MSRA: variants seen among roughly 807,000 people sequenced by gnomAD.
MSRA encodes methionine sulfoxide reductase A.
A neutral mutation model predicts 31.3 loss-of-function variants in MSRA; 54 were observed. That is an observed-to-expected ratio of 1.73 (90% CI 1.39 to 2.17). The LOEUF (loss-of-function observed/expected upper bound fraction) is 2.17, where lower values mean the gene tolerates loss of function less well. Ranked by LOEUF, MSRA falls within the 30% of genes most tolerant of loss-of-function variation. The pLI is 0.00. For missense variants in MSRA, 507 were observed against 300.9 expected (o/e 1.69, Z -5.07); for synonymous variants, 169 against 116.5 (o/e 1.45, Z -2.90).
intron 5 of MSRA, among the ~76,000 whole-genome samples, chr8:10,413,702 A>G (rs1808294787): frequency 1.3e-5 from 2 of 152,134 alleles, no homozygotes; most frequent in East Asian, 1.9e-4. Context: ...CAAAGATACA[A>G]TAACTTTTTA....
At chr8:10,376,052 G>A (rs572282925) in intron 5 of MSRA, among the ~76,000 whole-genome samples, 38 of 152,266 alleles carry the variant, frequency 2.5e-4, no homozygotes, top group African/African-American at 8.4e-4. Flanking sequence ...GGGGAAGATT[G>A]CGTCTTCGTG....
intron 5 of MSRA, among the ~76,000 whole-genome samples, chr8:10,369,718 A>G (rs6984231): frequency 0.42 from 64,341 of 152,092 alleles, 13,782 homozygotes; most frequent in Non-Finnish European, 0.47. Context: ...TAGTCATTCT[A>G]TTTGTGCATC....
intron 2 of MSRA, among the ~76,000 whole-genome samples, chr8:10,221,432 A>ATG (rs1024172611): frequency 2.2e-5 from 3 of 139,038 alleles, no homozygotes; most frequent in African/African-American, 7.6e-5. Flanking sequence ...ATATGTATAT[A>ATG]TGTGTATATA....
At chr8:10,101,627 A>T (rs1257615864) in intron 1 of MSRA, among the ~76,000 whole-genome samples, 1 of 152,182 alleles carries the variant, frequency 6.6e-6, no homozygotes, top group Non-Finnish European at 1.5e-5. Context: ...ATATAAGTGG[A>T]ATCATACAGT....
intron 5 of MSRA, among the ~76,000 whole-genome samples, chr8:10,372,063 C>T (rs144221224): frequency 6.6e-6 from 1 of 152,192 alleles, no homozygotes; most frequent in Non-Finnish European, 1.5e-5. Flanking sequence ...CAGCGATTGT[C>T]ATTGCCACCT....
chr8:10,101,450 G>A (rs1585147446), intron 1 of MSRA, among the ~76,000 whole-genome samples: 1 of 152,124 alleles, frequency 6.6e-6, no homozygotes, highest in Non-Finnish European at 1.5e-5. Flanking sequence ...TTGTTATGCT[G>A]CCATTACCGT....
chr8:10,284,223 C>T (rs972555379), intron 3 of MSRA, among the ~76,000 whole-genome samples: 1 of 152,116 alleles, frequency 6.6e-6, no homozygotes, highest in Non-Finnish European at 1.5e-5. Context: ...GAGTTTTACT[C>T]TTGTTCCCGG....
At chr8:10,350,203 C>A (rs1011833406) in intron 5 of MSRA, among the ~76,000 whole-genome samples, 37 of 152,374 alleles carry the variant, frequency 2.4e-4, no homozygotes, top group Middle Eastern at 3.4e-3. Context: ...AATTCTGATG[C>A]TTCTCACAAA....
chr8:10,221,840 T>C (rs976489417), intron 2 of MSRA, among the ~76,000 whole-genome samples: 1 of 152,038 alleles, frequency 6.6e-6, no homozygotes, highest in African/African-American at 2.4e-5. Context: ...TTTGCACAGA[T>C]TTATGGAAAA....
intron 5 of MSRA, among the ~76,000 whole-genome samples, chr8:10,411,869 G>C (rs904896964): frequency 6.7e-6 from 1 of 149,080 alleles, no homozygotes; most frequent in Non-Finnish European, 1.5e-5. Flanking sequence ...TCATATTCCA[G>C]TTAAGCAAAA....
intron 4 of MSRA, among the ~76,000 whole-genome samples, chr8:10,307,686 G>A (rs139719048): frequency 6.6e-4 from 101 of 152,302 alleles, no homozygotes; most frequent in African/African-American, 2.0e-3. Context: ...AGTTGGATGC[G>A]TGGAGCTTTT....
chr8:10,256,965 A>G (rs1291805667), intron 3 of MSRA, among the ~76,000 whole-genome samples: 1 of 152,150 alleles, frequency 6.6e-6, no homozygotes, highest in Non-Finnish European at 1.5e-5. Context: ...GGCTTTTTAT[A>G]CATTTCTTTC....
intron 1 of MSRA, among the ~76,000 whole-genome samples, chr8:10,085,055 T>C (rs1008410193): frequency 1.3e-5 from 2 of 152,156 alleles, no homozygotes; most frequent in African/African-American, 2.4e-5. Flanking sequence ...GTTTTAAATA[T>C]GGCAAAAATC....
intron 5 of MSRA, among the ~76,000 whole-genome samples, chr8:10,351,299 G>A (rs1331768327): frequency 1.4e-5 from 2 of 147,400 alleles, no homozygotes; most frequent in East Asian, 4.0e-4. Flanking sequence ...CTGTTGCCGG[G>A]CTGGAATGCA....
At chr8:10,295,298 C>G (rs1188751182) in intron 3 of MSRA, among the ~76,000 whole-genome samples, 1 of 152,136 alleles carries the variant, frequency 6.6e-6, no homozygotes, top group Non-Finnish European at 1.5e-5. Flanking sequence ...CTTTAAGGAA[C>G]CTGCTGGGGG....
In MSRA at chr8:10,109,395, G is replaced by T. The variant is rs569292788; in HGVS notation, c.142+54737G>T. On this transcript the variant is annotated intron_variant, in intron 1 of 5. Transcript: ENST00000317173. ...CTTACTCTGTCACCCAGGCTGGAGTGCAGAGATGCAGTCTTGGCTCACTGC... is the reference window on the plus strand; with the variant it reads ...CTTACTCTGTCACCCAGGCTGGAGTTCAGAGATGCAGTCTTGGCTCACTGC... Among the ~76,000 whole-genome samples the T allele has an allele frequency of 4.6e-5, 7 of 151,298 alleles. No individual in the cohort carries two copies. The East Asian group carries it at 1.4e-3, about 29-fold the overall frequency.
chr8:10,295,240 A>G (rs543119953), intron 3 of MSRA, among the ~76,000 whole-genome samples: 3 of 152,254 alleles, frequency 2.0e-5, no homozygotes, highest in East Asian at 3.9e-4. Flanking sequence ...GCTGGGCACC[A>G]TGGCCTCAGC....
intron 1 of MSRA, among the ~76,000 whole-genome samples, chr8:10,081,581 C>T (rs1199077046): frequency 6.6e-6 from 1 of 152,136 alleles, no homozygotes; most frequent in Non-Finnish European, 1.5e-5. Context: ...CCTCCGCCTC[C>T]CGGGTTGAAG....
At chr8:10,093,042 A>G (rs1156815152) in intron 1 of MSRA, among the ~76,000 whole-genome samples, 1 of 152,096 alleles carries the variant, frequency 6.6e-6, no homozygotes. Context: ...TATATATTTT[A>G]CATAGTTTTA....
Sources: allele counts gnomAD v4.1 joint callset (sites outside exome capture counted in the v4.1 genomes callset), GRCh38; gene constraint gnomAD v4.1.1; transcripts MANE v1.5; gene names NCBI Gene and HGNC (gene_info 2026-07-23, HGNC 2026-07-21).